RPS6KA2: variants seen among roughly 807,000 people sequenced by gnomAD.
RPS6KA2 encodes the protein ribosomal protein S6 kinase A2, also known as ribosomal protein S6 kinase alpha-2.
In RPS6KA2, 42 loss-of-function variants were observed where a neutral mutation model predicts 91.8. That is an observed-to-expected ratio of 0.46 (90% CI 0.36 to 0.59). The LOEUF is 0.59. Ranked by LOEUF, RPS6KA2 falls within the 20% of genes least tolerant of loss-of-function variation. The pLI is 0.00. For missense variants in RPS6KA2, 798 were observed against 978.5 expected (o/e 0.82, Z 2.46); for synonymous variants, 414 against 393.6 (o/e 1.05, Z -0.61).
intron 13 of RPS6KA2, among the ~76,000 whole-genome samples, chr6:166,450,217 A>T (rs1178151311): frequency 1.4e-5 from 2 of 147,348 alleles, no homozygotes; most frequent in Non-Finnish European, 3.0e-5. Flanking sequence ...TACCCTAGGG[A>T]CCACCACAGG....
At position 166,418,631 on chromosome 6, in the gene RPS6KA2, A is replaced by G. The variant is rs1427553541; in HGVS notation, c.1821-289T>C. On this transcript the variant is annotated intron_variant, in intron 18 of 20. Transcript: ENST00000265678. This position sits in a 1 kb window ranked among gnomAD's most constrained non-coding sequence, Gnocchi z 4.9. Reference sequence around the variant, plus strand: ...TAAACTGGGATGGGGTGGCCTAGTGAGTTGCCTGGTGCCGTGGTTTCCACG... The same window carrying G: ...TAAACTGGGATGGGGTGGCCTAGTGGGTTGCCTGGTGCCGTGGTTTCCACG... 1.3e-5 allele frequency among the ~76,000 whole-genome samples: 2 copies of G among 152,226 alleles called. No homozygotes were observed. The highest frequency in any genetic ancestry group is 4.8e-5 in the African/African-American group (2 of 41,456).
intron 17 of RPS6KA2, among the ~76,000 whole-genome samples, chr6:166,421,023 C>T (rs1283213423): frequency 1.3e-5 from 2 of 152,170 alleles, no homozygotes; most frequent in African/African-American, 4.8e-5. Context: ...TGTATCGCTG[C>T]TACCATGTGT....
At chr6:166,616,220 AGAG>A (rs746282398) in intron 1 of RPS6KA2, among the ~76,000 whole-genome samples, 4 of 152,188 alleles carry the variant, frequency 2.6e-5, no homozygotes, top group Non-Finnish European at 5.9e-5. Context: ...CTAATTTTAC[AGAG>A]AAGAAAATTG....
At chr6:166,836,362 A>G (rs1048207961) in intron 2 of RPS6KA2, among the ~76,000 whole-genome samples, 2 of 152,164 alleles carry the variant, frequency 1.3e-5, no homozygotes, top group East Asian at 1.9e-4. Flanking sequence ...AGTGAATTCA[A>G]TTAGTCTGAA....
At chr6:166,420,177 CA>C (rs1161564493) in intron 17 of RPS6KA2, among the ~76,000 whole-genome samples, 1 of 152,182 alleles carries the variant, frequency 6.6e-6, no homozygotes, top group African/African-American at 2.4e-5. Flanking sequence ...GTACTCTTTC[CA>C]GACACATGAC....
intron 2 of RPS6KA2, among the ~76,000 whole-genome samples, chr6:166,692,994 C>T (rs1399650270): frequency 3.9e-5 from 6 of 152,152 alleles, no homozygotes; most frequent in African/African-American, 1.2e-4. Context: ...CGGGATCATC[C>T]GAAACTCAGG....
At chr6:166,789,022 G>C (rs1187773492) in intron 2 of RPS6KA2, among the ~76,000 whole-genome samples, 1 of 152,088 alleles carries the variant, frequency 6.6e-6, no homozygotes, top group Non-Finnish European at 1.5e-5. Flanking sequence ...CAGGACAGCG[G>C]GTGCAGCATA....
In RPS6KA2 at chr6:166,743,274, G is replaced by T. The variant is rs76828225; in HGVS notation, c.123+114926C>A. Among the ~76,000 whole-genome samples, 26 of 152,282 alleles carry T rather than the reference G, an allele frequency of 1.7e-4. No homozygotes were observed. In the East Asian group the frequency reaches 4.8e-3, roughly 28 times the overall value. On this transcript the variant is annotated intron_variant, in intron 2 of 21. Coordinates refer to the RPS6KA2 transcript ENST00000503859. ...TGGGCTATGAAAACTCACACTGCGG[G>T]ACTTCAAACTCATGGTGCCCAGCAC...
intron 10 of RPS6KA2, among the ~76,000 whole-genome samples, chr6:166,488,089 T>TA (rs34671882): frequency 0.24 from 37,026 of 151,296 alleles, 5,116 homozygotes; most frequent in East Asian, 0.5. Context: ...GGTTAGAGTT[T>TA]AAAAAAAAAC....
rs1323005236 is a variant in RPS6KA2, at chr6:166,419,931, C to T, written c.1771G>A (p.Ala591Thr). The T allele has an allele frequency of 6.2e-7, 1 of 1,613,824 alleles. No individual in the cohort carries two copies. The change falls in exon 18 of 21, where the codon GCG becomes ACG. Residue 591 changes from alanine (A) to threonine (T), a missense_variant. Ala to Thr is a moderately conservative substitution (Grantham distance 58). Coordinates refer to ENST00000265678, the MANE Select transcript of RPS6KA2 (RefSeq NM_021135.6). This position sits in a 1 kb window ranked among gnomAD's most constrained non-coding sequence, Gnocchi z 5.6. ...ATCCCCAAACTCCAGATGTCACACGCCGCATCATAGCCTTGACGCTTCAGG... is the reference window on the plus strand; with the variant it reads ...ATCCCCAAACTCCAGATGTCACACGTCGCATCATAGCCTTGACGCTTCAGG... ...EVLKRQGYDA[A>T]CDIWSLGILL...
Position 166,459,437 on chromosome 6 carries a change from T to C in RPS6KA2, c.1075+12A>G, listed in dbSNP as rs1436638703. The C allele has an allele frequency of 2.5e-6, 4 of 1,595,154 alleles. No homozygotes were observed. In the African/African-American group the frequency reaches 5.4e-5, roughly 21 times the overall value. ...AGAAGCCACCGATAGAGGGAACCAC[T>C]GTGGCACACACCTGTGGGCGTCCGC... On this transcript the variant is annotated intron_variant, in intron 12 of 20. Coordinates refer to ENST00000265678, the MANE Select transcript of RPS6KA2 (RefSeq NM_021135.6). This position sits in a 1 kb window ranked among gnomAD's most constrained non-coding sequence, Gnocchi z 4.9.
intron 2 of RPS6KA2, among the ~76,000 whole-genome samples, chr6:166,649,032 T>C (rs1787766303): frequency 6.6e-6 from 1 of 152,150 alleles, no homozygotes; most frequent in Non-Finnish European, 1.5e-5. Context: ...CCCTCTCCAC[T>C]GCTCTGCCCT....
intron 1 of RPS6KA2, among the ~76,000 whole-genome samples, chr6:166,618,380 A>G (rs1786494604): frequency 6.6e-6 from 1 of 152,150 alleles, no homozygotes; most frequent in Non-Finnish European, 1.5e-5. Flanking sequence ...CCCTGAGTCC[A>G]AGCCCCTGAG....
chr6:166,769,096 C>T (rs180734318), intron 2 of RPS6KA2, among the ~76,000 whole-genome samples: 8 of 152,186 alleles, frequency 5.3e-5, no homozygotes, highest in African/African-American at 1.7e-4. Flanking sequence ...CACACCCTAC[C>T]CTGGCCCTGA....
intron 2 of RPS6KA2, among the ~76,000 whole-genome samples, chr6:166,754,343 C>G (rs1004584744): frequency 2.6e-5 from 4 of 152,190 alleles, no homozygotes. Flanking sequence ...GCCCTGGGGA[C>G]CACTCAGGGA....
At position 166,767,235 on chromosome 6, in the gene RPS6KA2, C is replaced by T. The variant is rs1400463486; in HGVS notation, c.123+90965G>A. Among the ~76,000 whole-genome samples the T allele has an allele frequency of 6.6e-6, 1 of 152,186 alleles. No individual in the cohort carries two copies. Among genetic ancestry groups the T allele is most frequent in the East Asian group, 1.9e-4 (1 of 5,198 alleles). ...ATGTCGCCTATCACCTCCCCATGAGCAACGCCATCAAAAAGCAAAATACAA... is the reference window on the plus strand; with the variant it reads ...ATGTCGCCTATCACCTCCCCATGAGTAACGCCATCAAAAAGCAAAATACAA... On this transcript the variant is annotated intron_variant, in intron 2 of 21. Transcript: ENST00000503859. The surrounding 1 kb of genome is among the most constrained non-coding windows in gnomAD (Gnocchi z 4.6).
intron 14 of RPS6KA2, among the ~76,000 whole-genome samples, chr6:166,441,678 G>A (rs140878774): frequency 2.4e-3 from 369 of 152,358 alleles, no homozygotes; most frequent in Non-Finnish European, 3.7e-3. Flanking sequence ...AGCGCCCAGC[G>A]TTAGGCCATG....
chr6:166,603,342 T>C lies in RPS6KA2; in HGVS notation c.99+23579A>G, dbSNP rs1181002261. Among the ~76,000 whole-genome samples the C allele has an allele frequency of 6.6e-6, 1 of 152,134 alleles. No individual in the cohort carries two copies. Among genetic ancestry groups the C allele is most frequent in the Non-Finnish European group, 1.5e-5 (1 of 68,032 alleles). ...AAAAAGATCGTGCTGCTTAGCATAA[T>C]TAAACCAGGAACTCAGCGCAGCCTC... On this transcript the variant is annotated intron_variant, in intron 1 of 20. Transcript: ENST00000265678. This position sits in a 1 kb window ranked among gnomAD's most constrained non-coding sequence, Gnocchi z 4.3.
intron 3 of RPS6KA2, among the ~76,000 whole-genome samples, chr6:166,521,782 G>A (rs1782864820): frequency 6.6e-6 from 1 of 152,224 alleles, no homozygotes; most frequent in African/African-American, 2.4e-5. Context: ...GATGAATGTG[G>A]GAAAGATATG....
Sources: gnomAD v4.1 joint callset for allele counts (sites outside exome capture counted in the v4.1 genomes callset) on GRCh38, gnomAD v4.1.1 for gene constraint, Gnocchi (gnomAD v3.1) non-coding constraint, MANE v1.5 for transcripts, NCBI Gene and HGNC (gene_info 2026-07-23, HGNC 2026-07-21) for gene names.